SOX5: variants seen among roughly 807,000 people sequenced by gnomAD.
The protein encoded by SOX5 is SRY-box transcription factor 5.
In SOX5, 9 loss-of-function variants were observed where a neutral mutation model predicts 92.0. The observed-to-expected ratio is 0.10, with a 90% confidence interval of 0.06 to 0.17. The LOEUF is 0.17. Among genes scored for constraint, SOX5 ranks in the 10% least tolerant of loss-of-function variants. The probability of loss-of-function intolerance (pLI) is 1.00; values close to 1 mark genes in which losing one functional copy is unlikely to be tolerated. For synonymous variants in SOX5, 344 were observed against 336.3 expected, an observed-to-expected ratio of 1.02 and a Z score of -0.25; for missense variants, 642 against 944.5, an observed-to-expected ratio of 0.68 and a Z score of 4.20.
intron 7 of SOX5, among the ~76,000 whole-genome samples, chr12:23,646,214 G>A (rs901140697): frequency 1.3e-4 from 20 of 151,976 alleles, no homozygotes; most frequent in East Asian, 1.9e-4. Flanking sequence ...TGGCTATGTC[G>A]CCCAGGGTGG....
intron 3 of SOX5, among the ~76,000 whole-genome samples, chr12:23,842,837 C>T (rs923994977): frequency 3.3e-5 from 5 of 152,050 alleles, no homozygotes; most frequent in Non-Finnish European, 5.9e-5. Context: ...TGTAGACAAT[C>T]CAGCTCTAGT....
intron 2 of SOX5, among the ~76,000 whole-genome samples, chr12:24,332,620 G>A (rs755315806): frequency 1.3e-5 from 2 of 151,572 alleles, no homozygotes; most frequent in Admixed American, 6.6e-5. Context: ...GAAGACAATC[G>A]AGGTTTGAAA....
chr12:23,820,900 A>C (rs1280660473), intron 3 of SOX5, among the ~76,000 whole-genome samples: 1 of 152,182 alleles, frequency 6.6e-6, no homozygotes, highest in African/African-American at 2.4e-5. Context: ...TGTCTTGGCT[A>C]TATGGGCTCT....
At chr12:23,750,906 C>T (rs568414394) in intron 4 of SOX5, among the ~76,000 whole-genome samples, 5 of 151,882 alleles carry the variant, frequency 3.3e-5, no homozygotes, top group East Asian at 1.9e-4. Context: ...ATGAGGACAC[C>T]GGCGTCATGA....
intron 1 of SOX5, among the ~76,000 whole-genome samples, chr12:24,422,333 C>G (rs1237668511): frequency 1.3e-5 from 2 of 152,080 alleles, no homozygotes; most frequent in African/African-American, 4.8e-5. Flanking sequence ...TTAGGAGGGA[C>G]CATATGAGTA....
intron 6 of SOX5, among the ~76,000 whole-genome samples, chr12:23,674,675 G>A (rs2085376015): frequency 6.6e-6 from 1 of 151,882 alleles, no homozygotes; most frequent in Non-Finnish European, 1.5e-5. Flanking sequence ...ATTCTATTAT[G>A]TCTTAAGAGA....
At chr12:24,494,197 G>A (rs568711796) in intron 1 of SOX5, among the ~76,000 whole-genome samples, 6 of 152,208 alleles carry the variant, frequency 3.9e-5, no homozygotes, top group African/African-American at 9.6e-5. Flanking sequence ...ATACACTTTC[G>A]TTCCCCCTAC....
chr12:24,401,325 C>T (rs2136639283), intron 1 of SOX5, among the ~76,000 whole-genome samples: 1 of 147,326 alleles, frequency 6.8e-6, no homozygotes, highest in African/African-American at 2.5e-5. Flanking sequence ...GCACTCCAGC[C>T]TGGGCGACAG....
At chr12:23,735,049 TAAG>T (rs1461771121) in intron 5 of SOX5, among the ~76,000 whole-genome samples, 2 of 152,212 alleles carry the variant, frequency 1.3e-5, no homozygotes, top group Non-Finnish European at 2.9e-5. Context: ...AGTGATATAT[TAAG>T]AAGGCGCTGC....
chr12:24,341,762 C>G (rs890635859), intron 2 of SOX5, among the ~76,000 whole-genome samples: 2 of 152,118 alleles, frequency 1.3e-5, no homozygotes, highest in Non-Finnish European at 2.9e-5. Flanking sequence ...TCAGGAAGCA[C>G]CTTCAACAAT....
At chr12:24,006,580 G>GCCACTCCTTCCAGGATTGTCTTCAT in intron 4 of SOX5, among the ~76,000 whole-genome samples, 1 of 151,932 alleles carries the variant, frequency 6.6e-6, no homozygotes, top group Non-Finnish European at 1.5e-5. Flanking sequence ...CTGGACCTGT[G>GCCACTCCTTCCAGGATTGTCTTCAT]CCACTCCTTC....
chr12:24,526,339 G>A (rs535724778), intron 1 of SOX5, among the ~76,000 whole-genome samples: 87 of 152,130 alleles, frequency 5.7e-4, no homozygotes, highest in Middle Eastern at 3.4e-3. Flanking sequence ...ATGATGCAGC[G>A]GAGAGAAGAA....
intron 8 of SOX5, chr12:23,638,006 G>A (rs1178089911): frequency 1.3e-5 from 2 of 152,152 alleles, no homozygotes; most frequent in African/African-American, 2.4e-5. Context: ...GCAGCACAGA[G>A]GGTGAACAAA....
intron 4 of SOX5, among the ~76,000 whole-genome samples, chr12:24,163,324 G>A (rs12819538): frequency 0.31 from 47,335 of 151,858 alleles, 8,342 homozygotes; most frequent in East Asian, 0.8. Context: ...CTTTGCAGAC[G>A]TGTCTACATT....
intron 4 of SOX5, among the ~76,000 whole-genome samples, chr12:24,128,671 G>A (rs1055769235): frequency 6.6e-6 from 1 of 152,158 alleles, no homozygotes; most frequent in Admixed American, 6.5e-5. Context: ...AAGTGACAGA[G>A]GTAAGCAGAA....
At chr12:24,416,660 A>G (rs1965071996) in intron 1 of SOX5, among the ~76,000 whole-genome samples, 2 of 152,214 alleles carry the variant, frequency 1.3e-5, no homozygotes, top group Non-Finnish European at 2.9e-5. Context: ...GAGGGCTGCT[A>G]CTGAAAATAC....
chr12:24,505,639 A>G (rs972240999), intron 1 of SOX5, among the ~76,000 whole-genome samples: 1 of 152,252 alleles, frequency 6.6e-6, no homozygotes, highest in Non-Finnish European at 1.5e-5. Flanking sequence ...CCTACATCTG[A>G]GGCAATCAAC....
intron 6 of SOX5, among the ~76,000 whole-genome samples, chr12:23,729,874 A>T (rs1340283465): frequency 1.3e-5 from 2 of 152,166 alleles, no homozygotes; most frequent in African/African-American, 4.8e-5. Context: ...TCCACTAAGT[A>T]TTATTGAAAA....
intron 4 of SOX5, among the ~76,000 whole-genome samples, chr12:24,186,284 G>C (rs994667674): frequency 1.4e-4 from 21 of 152,082 alleles, no homozygotes; most frequent in Non-Finnish European, 2.8e-4. Context: ...AAGTCATAAA[G>C]GTAGAACATG....
Sources: allele counts gnomAD v4.1 joint callset (sites outside exome capture counted in the v4.1 genomes callset), GRCh38; gene constraint gnomAD v4.1.1; transcripts MANE v1.5; gene names NCBI Gene and HGNC (gene_info 2026-07-23, HGNC 2026-07-21).